Variants in LARP7 observed in about 807,000 individuals in gnomAD.
LARP7 encodes La ribonucleoprotein 7, transcriptional regulator.
LARP7 carries 52 observed loss-of-function variants against 69.3 expected under a neutral mutation model. That is an observed-to-expected ratio of 0.75 (90% CI 0.60 to 0.95). The LOEUF (loss-of-function observed/expected upper bound fraction) is 0.95, where lower values mean the gene tolerates loss of function less well. LARP7 is among the 40% of genes least tolerant of loss of function. The pLI, the probability that LARP7 is intolerant of heterozygous loss-of-function variation, is 0.00. For missense variants in LARP7, 733 were observed against 673.0 expected, an observed-to-expected ratio of 1.09 and a Z score of -0.99; for synonymous variants, 254 against 215.9, an observed-to-expected ratio of 1.18 and a Z score of -1.55.
chr4:112,645,583 C>T (rs1178351016), intron 2 of LARP7: 8 of 456,010 alleles, frequency 1.8e-5, no homozygotes, highest in Non-Finnish European at 3.5e-5. Context: ...TCTGCTCACT[C>T]CAACTTCTGC....
chr4:112,656,788 C>T (rs1017630780), intron 12 of LARP7, among the ~76,000 whole-genome samples: 21 of 152,240 alleles, frequency 1.4e-4, no homozygotes, highest in African/African-American at 5.1e-4. Flanking sequence ...AAGTGAATTC[C>T]TTCCAATTGC....
chr4:112,652,960 T>G, intron 10 of LARP7, 117 bp from the exon 11 acceptor site: 1 of 654,552 alleles, frequency 1.5e-6, no homozygotes, highest in Non-Finnish European at 2.3e-6. Context: ...TTGCTCCTCA[T>G]TAGACTGCAA....
rs750126754 is a variant in LARP7 at position 112,647,837 on chromosome 4, A to G, written c.1142+3A>G. 6.3e-7 allele frequency: 1 copy of G among 1,575,432 alleles called. No individual in the cohort carries two copies. The highest frequency in any genetic ancestry group is 2.2e-5 in the East Asian group (1 of 44,480). ...ATACCATTAAGAGTGCTATCAAAGT[A>G]AGTCTGTGGTTTAAATTCTGTCATT... On this transcript the variant is annotated splice_donor_region_variant and intron_variant, in intron 8 of 12. Transcript: ENST00000344442.
chr4:112,654,952 A>G (rs7677022), intron 12 of LARP7, among the ~76,000 whole-genome samples: 14,874 of 151,832 alleles, frequency 0.098, 2,196 homozygotes, highest in African/African-American at 0.32. Context: ...GAGCAAGTTA[A>G]AAGTCCTATT....
At chr4:112,653,997 G>A (rs921830679) in intron 11 of LARP7, 71 bp from the exon 12 acceptor site, 1 of 1,036,284 alleles carries the variant, frequency 9.6e-7, no homozygotes, top group African/African-American at 1.6e-5. Context: ...TATTGAGAAT[G>A]TAATGCCTTG....
In LARP7 at chr4:112,647,195, A is replaced by G; in HGVS notation, c.647-4A>G. The G allele has an allele frequency of 1.3e-6, 2 of 1,589,476 alleles. No homozygotes were observed. The highest frequency in any genetic ancestry group is 1.7e-6 in the Non-Finnish European group (2 of 1,173,382). ...ATGAACTAATAATGATGGCACTTTT[A>G]CAGAAGAGAAGAAAAAGAAAAAGAA... On this transcript the variant is annotated splice_polypyrimidine_tract_variant and splice_region_variant and intron_variant, in intron 6 of 12. Coordinates refer to ENST00000344442, the MANE Select transcript of LARP7 (RefSeq NM_016648.4).
In LARP7 at chr4:112,639,208, C is replaced by CTTTTTTTTT. The variant is rs1160467036; in HGVS notation, c.-3+1980_-3+1988dup. Among the ~76,000 whole-genome samples the CTTTTTTTTT allele has an allele frequency of 1.5e-5, 2 of 132,382 alleles. 1 individual carries two copies. The highest frequency in any genetic ancestry group is 3.2e-5 in the Non-Finnish European group (2 of 61,682). The allele number at this position is 132,382 out of a possible 152,430, so 86.8% of individuals were successfully genotyped here. A position where few individuals can be genotyped will look rare whatever the true frequency, so the allele number is the denominator to read the frequency against. The stretch of plus-strand genomic sequence containing the variant: ...TTCATTTAAAGCCAGTTAAATGTTA[C>CTTTTTTTTT]TTTTTTTTTTTTTTTTTTTGAGACG... On this transcript the variant is annotated intron_variant, in intron 1 of 12. Coordinates refer to ENST00000344442, the MANE Select transcript of LARP7 (RefSeq NM_016648.4).
In LARP7 at chr4:112,650,575, A is replaced by C; in HGVS notation, c.1409A>C (p.Gln470Pro). 1 of 1,612,972 alleles carries C rather than the reference A, an allele frequency of 6.2e-7. No individual in the cohort carries two copies. Among genetic ancestry groups the C allele is most frequent in the African/African-American group, 1.3e-5 (1 of 75,012 alleles). The change falls in exon 10 of 13, where the codon CAA becomes CCA. Residue 470 changes from glutamine to proline, a missense_variant. Transcript: ENST00000344442. ...ISTEPLPGRK[Q>P]VRDTLAAISE... Reference sequence around the variant, plus strand: ...ACAGAGCCTCTACCTGGCAGGAAACAAGTCCGGGTAATGATTTTGAGCCCC... The same window carrying C: ...ACAGAGCCTCTACCTGGCAGGAAACCAGTCCGGGTAATGATTTTGAGCCCC...
intron 1 of LARP7, chr4:112,644,234 C>A: frequency 5.2e-6 from 1 of 193,742 alleles, no homozygotes; most frequent in Non-Finnish European, 9.4e-6. Context: ...AAAAGGGAAA[C>A]TGTCTCCAAG....
intron 11 of LARP7, 40 bp downstream of exon 11, chr4:112,653,276 T>C (rs2048827488): frequency 4.0e-6 from 6 of 1,483,390 alleles, no homozygotes; most frequent in Admixed American, 2.4e-5. Flanking sequence ...TTTGTTATCA[T>C]CCTTATTGTG....
intron 12 of LARP7, among the ~76,000 whole-genome samples, chr4:112,655,985 A>G (rs972537087): frequency 1.3e-5 from 2 of 152,232 alleles, no homozygotes; most frequent in Admixed American, 6.5e-5. Flanking sequence ...AAAAACTAGT[A>G]GAACATCAGT....
chr4:112,653,651 A>G (rs2048847120), intron 11 of LARP7, among the ~76,000 whole-genome samples: 1 of 151,716 alleles, frequency 6.6e-6, no homozygotes, highest in Admixed American at 6.6e-5. Flanking sequence ...ATGCCCCGCT[A>G]TTTTGCATTT....
intron 1 of LARP7, among the ~76,000 whole-genome samples, chr4:112,640,417 C>T (rs2047915868): frequency 6.6e-6 from 1 of 152,116 alleles, no homozygotes; most frequent in Non-Finnish European, 1.5e-5. Flanking sequence ...AATTAAAATT[C>T]CAGGCCGGCC....
At chr4:112,638,810 A>G (rs1353404366) in intron 1 of LARP7, among the ~76,000 whole-genome samples, 1 of 152,226 alleles carries the variant, frequency 6.6e-6, no homozygotes, top group African/African-American at 2.4e-5. Context: ...GACTGTGCTT[A>G]AATCTTTACC....
chr4:112,644,000 TGGGAG>T (rs2048060821), intron 1 of LARP7, among the ~76,000 whole-genome samples: 1 of 152,052 alleles, frequency 6.6e-6, no homozygotes, highest in Non-Finnish European at 1.5e-5. Flanking sequence ...CCTAGCACTT[TGGGAG>T]GCGGAGGCGG....
In LARP7 at chr4:112,653,253, G is replaced by A. The variant is rs35865138; in HGVS notation, c.1576+17G>A. On this transcript the variant is annotated intron_variant, in intron 11 of 12. Coordinates refer to ENST00000344442, the MANE Select transcript of LARP7 (RefSeq NM_016648.4). ...TCCTTTCTGGTAAAACTTCATAGAC[G>A]TTTCCTTTTTTTTTTGTTATCATCC... is the stretch of plus-strand genomic sequence containing the variant. The A allele has an allele frequency of 0.02, 31,193 of 1,540,248 alleles. 412 individuals are homozygous for A. The highest frequency in any genetic ancestry group is 0.028 in the Middle Eastern group (152 of 5,446).
At chr4:112,648,612 A>G in intron 8 of LARP7, 1 of 451,688 alleles carries the variant, frequency 2.2e-6, no homozygotes, top group South Asian at 1.6e-5. Flanking sequence ...GAGGAGAAAG[A>G]AAACAAAATG....
chr4:112,647,321 A>C lies in LARP7; in HGVS notation c.769A>C (p.Thr257Pro). Residue 257 changes from threonine (T) to proline (P), a missense_variant, in exon 7 of 13, where the codon ACA (threonine) becomes CCA (proline). Thr to Pro is a conservative substitution (Grantham distance 38). Coordinates refer to ENST00000344442, the MANE Select transcript of LARP7 (RefSeq NM_016648.4). ...SISKMKRSRP[T>P]SEGSDIESTE... Reference sequence around the variant, plus strand: ...CAGTAAAATGAAAAGATCCAGACCCACATCTGAGGGCTCTGACATTGAGTC... The same window carrying C: ...CAGTAAAATGAAAAGATCCAGACCCCCATCTGAGGGCTCTGACATTGAGTC... 1 of 1,614,088 alleles carries C rather than the reference A, an allele frequency of 6.2e-7. No individual in the cohort carries two copies. Among genetic ancestry groups the C allele is most frequent in the Non-Finnish European group, 8.5e-7 (1 of 1,180,020 alleles).
rs1487966765 is a variant in LARP7 at position 112,656,339 on chromosome 4, A to G, written c.1669-908A>G. Among the ~76,000 whole-genome samples, 4 of 152,126 alleles carry G rather than the reference A, an allele frequency of 2.6e-5. No individual in the cohort carries two copies. The South Asian group carries it at 6.3e-4, about 24-fold the overall frequency. On this transcript the variant is annotated intron_variant, in intron 12 of 12. Coordinates refer to ENST00000344442, the MANE Select transcript of LARP7 (RefSeq NM_016648.4). Reference sequence around the variant, plus strand: ...CCTGAACCTAGGAAGTGGAGGTTGCAGTGAGCCAAGATGGCGCCACTGCAC... The same window carrying G: ...CCTGAACCTAGGAAGTGGAGGTTGCGGTGAGCCAAGATGGCGCCACTGCAC...
Sources: allele counts gnomAD v4.1 joint callset (sites outside exome capture counted in the v4.1 genomes callset), GRCh38; gene constraint gnomAD v4.1.1; transcripts MANE v1.5; gene names NCBI Gene and HGNC (gene_info 2026-07-23, HGNC 2026-07-21).